The following ILRUN variants were observed in gnomAD, a reference collection of about 807,000 sequenced individuals.
ILRUN encodes inflammation and lipid regulator with UBA-like and NBR1-like domains, also known as protein ILRUN.
In ILRUN, 3 loss-of-function variants were observed where a neutral mutation model predicts 33.8. The ratio of observed to expected loss-of-function variants is 0.09; its 90% CI spans 0.04 to 0.23. The LOEUF (loss-of-function observed/expected upper bound fraction) is 0.23, where lower values mean the gene tolerates loss of function less well. ILRUN is among the 10% of genes least tolerant of loss of function. The pLI, the probability that ILRUN is intolerant of heterozygous loss-of-function variation, is 1.00. For synonymous variants in ILRUN, 124 were observed against 138.9 expected, an observed-to-expected ratio of 0.89 and a Z score of 0.75; for missense variants, 210 against 375.1, an observed-to-expected ratio of 0.56 and a Z score of 3.64.
intron 1 of ILRUN, among the ~76,000 whole-genome samples, chr6:34,683,469 T>TA (rs1562033039): frequency 5.1e-5 from 5 of 97,688 alleles, no homozygotes; most frequent in Non-Finnish European, 9.1e-5. Flanking sequence ...TATACATATA[T>TA]ATACACATAT....
chr6:34,591,345 A>G (rs1016277546), intron 4 of ILRUN, among the ~76,000 whole-genome samples: 1 of 152,132 alleles, frequency 6.6e-6, no homozygotes, highest in East Asian at 1.9e-4. Context: ...TTTTTAAAAA[A>G]TTAGCCAGGC....
rs1279661782 is a variant in ILRUN at position 34,650,392 on chromosome 6, ATTTTATTTATTTAT to A, written c.314-3608_314-3595del. On this transcript the variant is annotated intron_variant, in intron 2 of 4. Transcript: ENST00000374023. Reference sequence around the variant, plus strand: ...GGACTTAAAAAATATTAGGAGCTTAATTTTATTTATTTATTTTTATTTATTTATTTATTTATTTA... The same window carrying A: ...GGACTTAAAAAATATTAGGAGCTTAATTTTATTTATTTATTTATTTATTTA... 3.0e-4 allele frequency among the ~76,000 whole-genome samples: 44 copies of A among 148,734 alleles called. No homozygotes were observed. In the South Asian group the frequency reaches 3.0e-3, roughly 10 times the overall value.
Position 34,684,520 on chromosome 6 carries a change from A to G in ILRUN, c.158+11926T>C, listed in dbSNP as rs1455534375. Among the ~76,000 whole-genome samples the G allele has an allele frequency of 3.3e-5, 5 of 152,288 alleles. No homozygotes were observed. In the East Asian group the frequency reaches 7.7e-4, roughly 23 times the overall value. On this transcript the variant is annotated intron_variant, in intron 1 of 4. Coordinates refer to ENST00000374023, the MANE Select transcript of ILRUN (RefSeq NM_024294.4). ...ACATTACTTCAACAAATGTTTACTG[A>G]GCACCTATGTACAAAGTAGTGCGTA...
intron 1 of ILRUN, among the ~76,000 whole-genome samples, chr6:34,675,098 T>G (rs982396996): frequency 6.6e-6 from 1 of 152,044 alleles, no homozygotes; most frequent in East Asian, 1.9e-4. Context: ...CCGGCTAACA[T>G]GGTGAAACTC....
chr6:34,611,757 T>TA (rs896721650), intron 3 of ILRUN, among the ~76,000 whole-genome samples: 42 of 152,300 alleles, frequency 2.8e-4, no homozygotes, highest in Admixed American at 2.7e-3. Context: ...TTTCTAGATT[T>TA]AAAAAATCTG....
At chr6:34,622,192 G>C (rs111241804) in intron 3 of ILRUN, among the ~76,000 whole-genome samples, 3 of 152,082 alleles carry the variant, frequency 2.0e-5, no homozygotes, top group Non-Finnish European at 4.4e-5. Context: ...ATTTGGCAAT[G>C]GTTTCTTGGA....
intron 1 of ILRUN, among the ~76,000 whole-genome samples, chr6:34,661,680 T>C (rs1762888949): frequency 6.6e-6 from 1 of 152,236 alleles, no homozygotes; most frequent in Non-Finnish European, 1.5e-5. Context: ...CTTTGGGTTC[T>C]GTGTAACATA....
At chr6:34,597,842 C>T (rs948430363) in intron 4 of ILRUN, among the ~76,000 whole-genome samples, 2 of 152,188 alleles carry the variant, frequency 1.3e-5, no homozygotes, top group Non-Finnish European at 2.9e-5. Flanking sequence ...GTCCTGTGAA[C>T]ACACCCTGCC....
At chr6:34,614,457 A>ATATATATAT (rs1309059164) in intron 3 of ILRUN, among the ~76,000 whole-genome samples, 214 of 133,946 alleles carry the variant, frequency 1.6e-3, no homozygotes, top group Middle Eastern at 3.8e-3. Flanking sequence ...TATATATATA[A>ATATATATAT]AATGTATATT....
chr6:34,613,353 A>G (rs1031745202), intron 3 of ILRUN, among the ~76,000 whole-genome samples: 1 of 152,262 alleles, frequency 6.6e-6, no homozygotes, highest in African/African-American at 2.4e-5. Flanking sequence ...TCATACTGAC[A>G]TACAAAGACA....
intron 1 of ILRUN, among the ~76,000 whole-genome samples, chr6:34,672,455 T>G (rs975592278): frequency 7.9e-5 from 12 of 152,048 alleles, no homozygotes; most frequent in African/African-American, 1.2e-4. Context: ...GTGGCTCACC[T>G]CTAATCCCAG....
At chr6:34,627,196 G>A (rs147967128) in intron 3 of ILRUN, among the ~76,000 whole-genome samples, 223 of 152,164 alleles carry the variant, frequency 1.5e-3, no homozygotes, top group African/African-American at 4.3e-3. Flanking sequence ...CTTTCACTTG[G>A]TAATATGCAT....
chr6:34,668,170 G>A (rs1763042850), intron 1 of ILRUN, among the ~76,000 whole-genome samples: 1 of 152,186 alleles, frequency 6.6e-6, no homozygotes, highest in African/African-American at 2.4e-5. Flanking sequence ...ATGCTGCTAA[G>A]AATGTAGAAT....
intron 3 of ILRUN, among the ~76,000 whole-genome samples, chr6:34,636,258 A>ATAAAT (rs1256964168): frequency 6.6e-6 from 1 of 152,136 alleles, no homozygotes; most frequent in African/African-American, 2.4e-5. Context: ...AAATAAATAA[A>ATAAAT]TAAATTAAAT....
chr6:34,674,725 A>C (rs889695871), intron 1 of ILRUN, among the ~76,000 whole-genome samples: 5 of 152,180 alleles, frequency 3.3e-5, no homozygotes, highest in Admixed American at 2.6e-4. Context: ...TAAATAAGGA[A>C]ATGTACTTCC....
chr6:34,610,162 A>G (rs1487470134), intron 3 of ILRUN, among the ~76,000 whole-genome samples: 2 of 150,350 alleles, frequency 1.3e-5, no homozygotes, highest in Non-Finnish European at 3.0e-5. Context: ...CTCCGTCTCA[A>G]AAAAAAAAAG....
chr6:34,630,469 C>T lies in ILRUN; in HGVS notation c.511+16132G>A, dbSNP rs112898182. ...TGTGATCTCGGCTCACTGCAACCTC[C>T]GCCTCCTGGGTTCAAACGATTCTCC... On this transcript the variant is annotated intron_variant, in intron 3 of 4. Coordinates refer to ENST00000374023, the MANE Select transcript of ILRUN (RefSeq NM_024294.4). Among the ~76,000 whole-genome samples the T allele has an allele frequency of 7.9e-3, 1,189 of 151,316 alleles. 21 individuals carry two copies. The highest frequency in any genetic ancestry group is 0.025 in the African/African-American group (1,022 of 41,136).
At chr6:34,627,322 T>C (rs1220216835) in intron 3 of ILRUN, among the ~76,000 whole-genome samples, 1 of 152,240 alleles carries the variant, frequency 6.6e-6, no homozygotes, top group Non-Finnish European at 1.5e-5. Flanking sequence ...TCTTCTTCAC[T>C]GCATCCAAAT....
chr6:34,673,516 T>C (rs2127379080), intron 1 of ILRUN, among the ~76,000 whole-genome samples: 1 of 152,232 alleles, frequency 6.6e-6, no homozygotes, highest in Admixed American at 6.5e-5. Context: ...GAAAGAAAAG[T>C]AATCCAAGCA....
Sources: allele counts gnomAD v4.1 joint callset (sites outside exome capture counted in the v4.1 genomes callset), GRCh38; gene constraint gnomAD v4.1.1; transcripts MANE v1.5; gene names NCBI Gene and HGNC (gene_info 2026-07-23, HGNC 2026-07-21).